RASGRF2: variants seen among roughly 807,000 people sequenced by gnomAD.
RASGRF2 encodes ras-specific guanine nucleotide-releasing factor 2.
In RASGRF2, 76 loss-of-function variants were observed where a neutral mutation model predicts 151.0. The ratio of observed to expected loss-of-function variants is 0.50; its 90% CI spans 0.42 to 0.61. The LOEUF is 0.61. Ranked by LOEUF, RASGRF2 falls within the 20% of genes least tolerant of loss-of-function variation. RASGRF2 has a pLI of 0.00. For synonymous variants in RASGRF2, 504 were observed against 566.5 expected (o/e 0.89, Z 1.57); for missense variants, 1,148 against 1,564.6 (o/e 0.73, Z 4.49).
intron 22 of RASGRF2, among the ~76,000 whole-genome samples, chr5:81,211,393 A>C (rs1336225627): frequency 6.6e-6 from 1 of 152,216 alleles, no homozygotes; most frequent in Admixed American, 6.5e-5. Context: ...AGCACCTAAA[A>C]GAATCTATTC....
At chr5:81,151,089 T>G (rs1580361143) in intron 17 of RASGRF2, among the ~76,000 whole-genome samples, 1 of 152,316 alleles carries the variant, frequency 6.6e-6, no homozygotes, top group East Asian at 1.9e-4. Flanking sequence ...TGTGAAAGGC[T>G]AGGTTAATAA....
At chr5:80,972,798 CTTG>C (rs1179948742) in intron 1 of RASGRF2, among the ~76,000 whole-genome samples, 2 of 152,170 alleles carry the variant, frequency 1.3e-5, no homozygotes, top group East Asian at 3.9e-4. Flanking sequence ...TTTCGAAGTG[CTTG>C]TTCAACCTTT....
intron 1 of RASGRF2, among the ~76,000 whole-genome samples, chr5:80,979,525 G>A (rs1380021955): frequency 6.6e-6 from 1 of 152,098 alleles, no homozygotes; most frequent in African/African-American, 2.4e-5. Context: ...ATTAAGTTGT[G>A]TTTTCAATTA....
chr5:81,164,591 G>T (rs1370148945), intron 17 of RASGRF2, among the ~76,000 whole-genome samples: 6 of 152,100 alleles, frequency 3.9e-5, no homozygotes, highest in Admixed American at 3.9e-4. Context: ...ATCATTTCTA[G>T]ACTGTTAAAT....
At chr5:80,991,426 A>G (rs1407390371) in intron 1 of RASGRF2, among the ~76,000 whole-genome samples, 1 of 152,164 alleles carries the variant, frequency 6.6e-6, no homozygotes, top group Non-Finnish European at 1.5e-5. Context: ...CTTGTCTTTC[A>G]ATAAATAAAT....
intron 15 of RASGRF2, among the ~76,000 whole-genome samples, chr5:81,115,283 C>A (rs1386779090): frequency 6.6e-6 from 1 of 152,042 alleles, no homozygotes; most frequent in African/African-American, 2.4e-5. Flanking sequence ...CTTTTAAAGT[C>A]TTTAAATTGA....
At chr5:81,157,084 G>A (rs1055687979) in intron 17 of RASGRF2, among the ~76,000 whole-genome samples, 9 of 151,878 alleles carry the variant, frequency 5.9e-5, no homozygotes, top group East Asian at 1.9e-4. Context: ...AATCAACTAC[G>A]GCTGGGCGCG....
At chr5:81,004,069 G>A (rs150044800) in intron 1 of RASGRF2, among the ~76,000 whole-genome samples, 3 of 152,314 alleles carry the variant, frequency 2.0e-5, no homozygotes, top group East Asian at 3.9e-4. Context: ...CAGGGTCCCT[G>A]CCCCAGAGCT....
chr5:81,086,239 C>T (rs115351810), intron 8 of RASGRF2, among the ~76,000 whole-genome samples: 2 of 151,854 alleles, frequency 1.3e-5, no homozygotes, highest in African/African-American at 2.4e-5. Flanking sequence ...GTGGTGTGCA[C>T]CTGTAGTCCC....
chr5:81,026,952 G>A (rs1750057089), intron 1 of RASGRF2, among the ~76,000 whole-genome samples: 1 of 152,146 alleles, frequency 6.6e-6, no homozygotes, highest in Admixed American at 6.6e-5. Flanking sequence ...AAGAATGAGT[G>A]GAATTGAGTA....
At chr5:81,203,427 C>T (rs902135634) in intron 19 of RASGRF2, among the ~76,000 whole-genome samples, 13 of 152,200 alleles carry the variant, frequency 8.5e-5, no homozygotes, top group African/African-American at 2.9e-4. Context: ...CAAGAGGTGA[C>T]CTCAGACGTC....
At chr5:81,061,598 C>G (rs1287995492) in intron 2 of RASGRF2, among the ~76,000 whole-genome samples, 1 of 151,532 alleles carries the variant, frequency 6.6e-6, no homozygotes, top group Non-Finnish European at 1.5e-5. Flanking sequence ...GCTTCAAAAT[C>G]CTGGGCTCAA....
intron 18 of RASGRF2, among the ~76,000 whole-genome samples, chr5:81,182,203 T>C (rs145729555): frequency 6.6e-6 from 1 of 152,224 alleles, no homozygotes; most frequent in African/African-American, 2.4e-5. Flanking sequence ...AGGTGAGTGA[T>C]GTAAATAGCT....
intron 17 of RASGRF2, among the ~76,000 whole-genome samples, chr5:81,146,068 G>T (rs1358404353): frequency 6.6e-6 from 1 of 152,214 alleles, no homozygotes; most frequent in African/African-American, 2.4e-5. Flanking sequence ...AATTGAGGGA[G>T]TATATTTGAA....
intron 1 of RASGRF2, among the ~76,000 whole-genome samples, chr5:80,985,924 GGTGTGT>G (rs57558988): frequency 6.7e-6 from 1 of 149,884 alleles, no homozygotes; most frequent in Non-Finnish European, 1.5e-5. Flanking sequence ...TAGGTCTTTA[GGTGTGT>G]GTGTGTGTGT....
At chr5:81,045,122 A>G (rs1373518568) in intron 2 of RASGRF2, among the ~76,000 whole-genome samples, 1 of 152,182 alleles carries the variant, frequency 6.6e-6, no homozygotes, top group Non-Finnish European at 1.5e-5. Context: ...CTGTAGAAAG[A>G]AAGTCAGGCC....
At chr5:80,968,904 G>C (rs1340218989) in intron 1 of RASGRF2, among the ~76,000 whole-genome samples, 1 of 151,682 alleles carries the variant, frequency 6.6e-6, no homozygotes, top group Non-Finnish European at 1.5e-5. Context: ...GGCTCGTCTT[G>C]AACTCCTGGC....
At chr5:81,056,930 A>G (rs1157025352) in intron 2 of RASGRF2, among the ~76,000 whole-genome samples, 4 of 151,948 alleles carry the variant, frequency 2.6e-5, no homozygotes, top group African/African-American at 9.7e-5. Flanking sequence ...AGTCTGTTTT[A>G]TCAGAGACTA....
chr5:80,975,241 C>T (rs1021909668), intron 1 of RASGRF2, among the ~76,000 whole-genome samples: 7 of 152,118 alleles, frequency 4.6e-5, no homozygotes, highest in African/African-American at 1.4e-4. Context: ...TGCCAGTGAA[C>T]CTCCCTCCTC....
Sources: gnomAD v4.1 joint callset for allele counts (sites outside exome capture counted in the v4.1 genomes callset) on GRCh38, gnomAD v4.1.1 for gene constraint, MANE v1.5 for transcripts, NCBI Gene and HGNC (gene_info 2026-07-23, HGNC 2026-07-21) for gene names.